The following PREP variants were observed in gnomAD, a reference collection of about 807,000 sequenced individuals.
The protein encoded by PREP is dJ355L5.1 (prolyl endopeptidase).
In PREP, 29 loss-of-function variants were observed where a neutral mutation model predicts 87.6. The observed-to-expected ratio is 0.33, with a 90% CI of 0.25 to 0.45. PREP has a LOEUF of 0.45. Ranked by LOEUF, PREP falls within the 20% of genes least tolerant of loss-of-function variation. PREP has a pLI of 1.00. For missense variants in PREP, 695 were observed against 886.5 expected, an observed-to-expected ratio of 0.78 and a Z score of 2.74; for synonymous variants, 337 against 328.6, an observed-to-expected ratio of 1.03 and a Z score of -0.28.
chr6:105,278,375 C>G lies in PREP; in HGVS notation c.1902G>C (p.Leu634=). 5 of 1,614,174 alleles carry G rather than the reference C, an allele frequency of 3.1e-6. No individual in the cohort carries two copies. The highest frequency in any genetic ancestry group is 4.2e-6 in the Non-Finnish European group (5 of 1,179,996). ...GGTCATCATGGTCAGCAGTGAGGAGCAGCATGGACGGGTACTGGATGTCAT... is the reference window on the plus strand; with the variant it reads ...GGTCATCATGGTCAGCAGTGAGGAGGAGCATGGACGGGTACTGGATGTCAT... ...EADDIQYPSM[L]LLTADHDDRV... The change falls in exon 15 of 15, where the codon CTG becomes CTC. Residue 634 remains leucine (L), a synonymous_variant. Transcript: ENST00000652536. The surrounding 1 kb of genome is among the most constrained non-coding windows in gnomAD (Gnocchi z 4.2).
chr6:105,319,549 T>TTGA (rs1562197846), intron 10 of PREP, among the ~76,000 whole-genome samples: 1 of 152,242 alleles, frequency 6.6e-6, no homozygotes, highest in Non-Finnish European at 1.5e-5. Context: ...CAGTACACTA[T>TTGA]TCCATCAACT....
chr6:105,394,182 C>A (rs1256301900), intron 2 of PREP, among the ~76,000 whole-genome samples: 3 of 152,032 alleles, frequency 2.0e-5, no homozygotes, highest in African/African-American at 7.2e-5. Context: ...TATATAATTA[C>A]CCTGATTGGT....
chr6:105,292,848 G>A (rs924637984), intron 10 of PREP, among the ~76,000 whole-genome samples: 1 of 152,188 alleles, frequency 6.6e-6, no homozygotes, highest in East Asian at 1.9e-4. Context: ...GCACTTTTAT[G>A]TTATGCAGAC....
At chr6:105,338,655 A>G (rs923621669) in intron 7 of PREP, among the ~76,000 whole-genome samples, 1 of 152,238 alleles carries the variant, frequency 6.6e-6, no homozygotes, top group African/African-American at 2.4e-5. Flanking sequence ...AAGCCGTGAC[A>G]GACGGTACCT....
At chr6:105,334,183 G>C (rs1230968776) in intron 7 of PREP, among the ~76,000 whole-genome samples, 2 of 152,134 alleles carry the variant, frequency 1.3e-5, no homozygotes, top group Non-Finnish European at 2.9e-5. Context: ...CCATGTTAGT[G>C]CCCTTAGAAA....
intron 2 of PREP, among the ~76,000 whole-genome samples, chr6:105,394,393 G>A (rs1370704464): frequency 2.0e-5 from 3 of 152,152 alleles, no homozygotes; most frequent in Admixed American, 2.0e-4. Context: ...ATAATTGATT[G>A]TAGATGATAT....
intron 1 of PREP, among the ~76,000 whole-genome samples, chr6:105,398,359 A>G (rs1311163758): frequency 3.3e-5 from 5 of 152,210 alleles, no homozygotes; most frequent in Non-Finnish European, 7.3e-5. Flanking sequence ...GAGCTTCCCA[A>G]TGATTAGAAA....
intron 6 of PREP, among the ~76,000 whole-genome samples, chr6:105,358,795 G>A (rs1244498196): frequency 6.6e-6 from 1 of 152,070 alleles, no homozygotes; most frequent in East Asian, 1.9e-4. Flanking sequence ...TCAATGAAAG[G>A]GGGAAGTCAC....
intron 10 of PREP, among the ~76,000 whole-genome samples, chr6:105,293,298 T>A (rs1175714596): frequency 6.6e-6 from 1 of 152,062 alleles, no homozygotes; most frequent in African/African-American, 2.4e-5. Flanking sequence ...TCGCCCTAAT[T>A]GAGACCCAAG....
At position 105,373,413 on chromosome 6, in the gene PREP, C is replaced by T. The variant is rs964208019; in HGVS notation, c.551G>A (p.Gly184Glu). 6.2e-7 allele frequency: 1 copy of T among 1,614,200 alleles called. No homozygotes were observed. Among genetic ancestry groups the T allele is most frequent in the Non-Finnish European group, 8.5e-7 (1 of 1,180,030 alleles). ...TTGAGGGTATGAGTTGTAGAACATT[C>T]CCTTCCCATCATGGGTCCAGGCCAT... The part of the protein sequence containing the change: ...SCMAWTHDGK[G>E]MFYNSYPQQD... The change falls in exon 5 of 15, where the codon GGA (glycine) becomes GAA (glutamate). Residue 184 changes from glycine to glutamate, a missense_variant. Physicochemically the swap from Gly to Glu is moderately conservative, Grantham distance 98. Coordinates refer to ENST00000652536, the MANE Select transcript of PREP (RefSeq NM_002726.5).
In PREP at chr6:105,276,304, C is replaced by T. The variant is rs1769929509; in HGVS notation, c.*1840G>A. Among the ~76,000 whole-genome samples, 2 of 152,224 alleles carry T rather than the reference C, an allele frequency of 1.3e-5. No individual in the cohort carries two copies. On this transcript the variant is annotated 3_prime_UTR_variant, in exon 15 of 15. Transcript: ENST00000652536. Reference sequence around the variant, plus strand: ...CTCCTCCTCATCAGTTGCTAAGTGACATTTGGGATTTGAACCCAGTCCTGA... The same window carrying T: ...CTCCTCCTCATCAGTTGCTAAGTGATATTTGGGATTTGAACCCAGTCCTGA...
At position 105,278,338 on chromosome 6, in the gene PREP, G is replaced by C. The variant is rs150938968; in HGVS notation, c.1939C>G (p.Leu647Val). 6.2e-7 allele frequency: 1 copy of C among 1,614,212 alleles called. No individual in the cohort carries two copies. Among genetic ancestry groups the C allele is most frequent in the African/African-American group, 1.3e-5 (1 of 75,056 alleles). The change falls in exon 15 of 15, where the codon CTT becomes GTT. Residue 647 changes from leucine (L) to valine (V), a missense_variant. Transcript: ENST00000652536. This position sits in a 1 kb window ranked among gnomAD's most constrained non-coding sequence, Gnocchi z 4.2. Reference sequence around the variant, plus strand: ...GTGGCAATGAACTTCAGGGAGTGAAGCGGGACCACGCGGTCATCATGGTCA... The same window carrying C: ...GTGGCAATGAACTTCAGGGAGTGAACCGGGACCACGCGGTCATCATGGTCA... ...TADHDDRVVP[L>V]HSLKFIATLQ...
intron 1 of PREP, among the ~76,000 whole-genome samples, chr6:105,402,291 T>G (rs1773452842): frequency 6.6e-6 from 1 of 152,218 alleles, no homozygotes; most frequent in South Asian, 2.1e-4. Flanking sequence ...CAGGGCCCAG[T>G]GCGCCTCATC....
At chr6:105,351,049 G>T (rs184880876) in intron 7 of PREP, among the ~76,000 whole-genome samples, 1 of 152,304 alleles carries the variant, frequency 6.6e-6, no homozygotes, top group East Asian at 1.9e-4. Flanking sequence ...AGTACCACTG[G>T]ACTTGTTTGT....
chr6:105,384,854 CCTAA>C (rs1772943603), intron 2 of PREP, among the ~76,000 whole-genome samples: 2 of 152,052 alleles, frequency 1.3e-5, no homozygotes, highest in Non-Finnish European at 2.9e-5. Context: ...AAGCAGATGA[CCTAA>C]GAGAAAAAGA....
At chr6:105,337,999 TA>T (rs11341652) in intron 7 of PREP, among the ~76,000 whole-genome samples, 17,363 of 151,524 alleles carry the variant, frequency 0.11, 1,552 homozygotes, top group African/African-American at 0.25. Flanking sequence ...AACAATGCTT[TA>T]AAAAAAAATC....
Position 105,278,522 on chromosome 6 carries a change from G to T in PREP, c.1839-84C>A. ...GGGACCTAGGTAGTTAATTAGCAGT[G>T]AGGACTGCAGTTAACTAGTACGTGA... On this transcript the variant is annotated intron_variant, in intron 14 of 14. Transcript: ENST00000652536. The surrounding 1 kb of genome is among the most constrained non-coding windows in gnomAD (Gnocchi z 4.2). 1.5e-6 allele frequency: 2 copies of T among 1,365,890 alleles called. No individual in the cohort carries two copies. The highest frequency in any genetic ancestry group is 2.0e-6 in the Non-Finnish European group (2 of 987,476). 84.6% of individuals were successfully genotyped at this position (1,365,890 alleles called of 1,614,324 possible).
chr6:105,395,364 G>T (rs1434096761), intron 2 of PREP, among the ~76,000 whole-genome samples: 1 of 151,950 alleles, frequency 6.6e-6, no homozygotes, highest in African/African-American at 2.4e-5. Context: ...TCGTCTACCT[G>T]GGTTACCCTT....
chr6:105,299,126 C>A (rs919894975), intron 10 of PREP, among the ~76,000 whole-genome samples: 2 of 152,190 alleles, frequency 1.3e-5, no homozygotes, highest in African/African-American at 4.8e-5. Flanking sequence ...ACTGTGCCAC[C>A]TGGTAAACAA....
Sources: gnomAD v4.1 joint callset for allele counts (sites outside exome capture counted in the v4.1 genomes callset) on GRCh38, gnomAD v4.1.1 for gene constraint, Gnocchi (gnomAD v3.1) non-coding constraint, MANE v1.5 for transcripts, NCBI Gene and HGNC (gene_info 2026-07-23, HGNC 2026-07-21) for gene names.